PER2: variants seen among roughly 807,000 people sequenced by gnomAD.
PER2 encodes period circadian protein homolog 2.
A neutral mutation model predicts 121.0 loss-of-function variants in PER2; 66 were observed. That is an observed-to-expected ratio of 0.55 (90% confidence interval 0.45 to 0.67). The LOEUF (loss-of-function observed/expected upper bound fraction) is 0.67. Among genes scored for constraint, PER2 ranks in the 30% least tolerant of loss-of-function variants. The pLI, the probability that PER2 is intolerant of heterozygous loss-of-function variation, is 0.00. For missense variants in PER2, 1,521 were observed against 1,635.0 expected (o/e 0.93, Z 1.20); for synonymous variants, 684 against 659.9 (o/e 1.04, Z -0.56).
At chr2:238,270,331 G>A (rs1470613242) in intron 6 of PER2, among the ~76,000 whole-genome samples, 1 of 152,046 alleles carries the variant, frequency 6.6e-6, no homozygotes, top group Non-Finnish European at 1.5e-5. Flanking sequence ...AATCAATTGG[G>A]CAACCTCATC....
Position 238,277,789 on chromosome 2 carries a change from C to A in PER2, c.148G>T (p.Gly50Trp), listed in dbSNP as rs767237102. The change falls in exon 2 of 23, where the codon GGG (glycine) becomes TGG (tryptophan). Residue 50 changes from glycine to tryptophan, a missense_variant. Physicochemically the swap from Gly to Trp is radical, Grantham distance 184 (BLOSUM62 -2). Transcript: ENST00000254657. The part of the protein sequence containing the change: ...GHETNENCST[G>W]RDSQGSDCDD... ...CAGTCACTGCCCTGCGAGTCCCGCC[C>A]CGTGGAGCAGTTTTCGTTGGTCTCA... 1 of 1,614,086 alleles carries A rather than the reference C, an allele frequency of 6.2e-7. No homozygotes were observed. Among genetic ancestry groups the A allele is most frequent in the South Asian group, 1.1e-5 (1 of 91,088 alleles).
Position 238,255,096 on chromosome 2 carries a change from T to C in PER2, c.2320+561A>G, listed in dbSNP as rs193047401. 3.1e-4 allele frequency: 50 copies of C among 163,586 alleles called. No individual in the cohort carries two copies. The East Asian group carries it at 8.4e-3, about 28-fold the overall frequency. The allele number at this position is 163,586 out of a possible 1,614,324, so 10.1% of individuals were successfully genotyped here. ...AAGGGGTGAAGAAGCTCATCTATTT[T>C]ACTTCATCCCTTGACCTTCAACCCC... On this transcript the variant is annotated intron_variant, in intron 18 of 22. Transcript: ENST00000254657.
the PER2 span, chr2:238,299,862 A>C: frequency 6.6e-6 from 1 of 152,274 alleles, no homozygotes; most frequent in Admixed American, 6.5e-5. Flanking sequence ...CTGCTCCTTG[A>C]TGCCAACATC....
At chr2:238,246,547 A>G in intron 22 of PER2, 23 bp from the exon 23 acceptor site, 3 of 1,515,368 alleles carry the variant, frequency 2.0e-6, no homozygotes, top group Non-Finnish European at 2.7e-6. Flanking sequence ...AAAAAGAGAA[A>G]TCAGTAACAA....
chr2:238,277,757 G>A lies in PER2; in HGVS notation c.180C>T (p.Asp60=), dbSNP rs1374191259. The A allele has an allele frequency of 6.2e-7, 1 of 1,614,198 alleles. No homozygotes were observed. Among genetic ancestry groups the A allele is most frequent in the African/African-American group, 1.3e-5 (1 of 75,068 alleles). Residue 60 remains aspartate, a synonymous_variant, in exon 2 of 23, where the codon GAC becomes GAT. Transcript: ENST00000254657. ...GRDSQGSDCD[D]SGKELGMLVE... ...CCAGCATCCCCAGCTCCTTCCCACT[G>A]TCGTCACAGTCACTGCCCTGCGAGT...
chr2:238,297,782 G>A, the PER2 span, among the ~76,000 whole-genome samples: 1 of 152,324 alleles, frequency 6.6e-6, no homozygotes, highest in East Asian at 1.9e-4. Context: ...TCAGTGGGAG[G>A]CAGGAGAGAG....
upstream of PER2, among the ~76,000 whole-genome samples, chr2:238,291,091 G>A (rs1026188886): frequency 2.0e-5 from 3 of 152,248 alleles, no homozygotes; most frequent in Admixed American, 2.0e-4. Flanking sequence ...TCTTGGATAG[G>A]GGAATTGCTG....
intron 5 of PER2, among the ~76,000 whole-genome samples, chr2:238,272,811 G>A (rs1454762305): frequency 6.6e-6 from 1 of 152,228 alleles, no homozygotes; most frequent in Non-Finnish European, 1.5e-5. Flanking sequence ...AGTCACACTG[G>A]GTTTGCCCTT....
chr2:238,249,771 G>A (rs974398788), intron 21 of PER2, among the ~76,000 whole-genome samples: 5 of 152,212 alleles, frequency 3.3e-5, no homozygotes, highest in African/African-American at 1.2e-4. Flanking sequence ...GTTGTAACGC[G>A]ATCTGATGGG....
chr2:238,266,324 G>A (rs908198818), intron 8 of PER2, among the ~76,000 whole-genome samples: 20 of 148,824 alleles, frequency 1.3e-4, no homozygotes, highest in African/African-American at 3.0e-4. Context: ...GTCTCACTAT[G>A]TTGCCCAGGA....
intron 22 of PER2, 61 bp downstream of exon 22, chr2:238,249,001 A>G (rs1049823606): frequency 2.1e-5 from 32 of 1,544,182 alleles, no homozygotes; most frequent in Non-Finnish European, 2.9e-5. Context: ...AAGACAGTAC[A>G]GAGAATCCCC....
rs1696180626 is a variant in PER2, at chr2:238,268,471, C to T, written c.825-273G>A. Among the ~76,000 whole-genome samples the T allele has an allele frequency of 6.6e-6, 1 of 152,208 alleles. No individual in the cohort carries two copies. The highest frequency in any genetic ancestry group is 2.4e-5 in the African/African-American group (1 of 41,452). On this transcript the variant is annotated intron_variant, in intron 7 of 22. Coordinates refer to ENST00000254657, the MANE Select transcript of PER2 (RefSeq NM_022817.3). This position sits in a 1 kb window ranked among gnomAD's most constrained non-coding sequence, Gnocchi z 4.0. ...GCAGACAGAAAAGGGGTGCTGCTCC[C>T]GCCAGGGGTCCTCGGCCCTGACTCC...
rs141151396 is a variant in PER2 at position 238,272,047 on chromosome 2, C to T, written c.571-534G>A. Among the ~76,000 whole-genome samples, 302 of 152,332 alleles carry T rather than the reference C, an allele frequency of 2.0e-3. 2 individuals are homozygous for T. Among genetic ancestry groups the T allele is most frequent in the African/African-American group, 6.7e-3 (280 of 41,572 alleles). ...AAGAGAAAGCGCTCCTGACCAAAAT[C>T]GGCCAGGAGTACCTCTCAGGTTTTA... On this transcript the variant is annotated intron_variant, in intron 5 of 22. Transcript: ENST00000254657.
At chr2:238,249,335 A>G in intron 21 of PER2, 123 bp from the exon 22 acceptor site, 1 of 1,014,194 alleles carries the variant, frequency 9.9e-7, no homozygotes, top group South Asian at 1.5e-5. Context: ...TCTTTAAAAA[A>G]ATTTTCATTT....
chr2:238,271,392 AG>A lies in PER2; in HGVS notation c.691del (p.Leu231TrpfsTer61). 2 of 1,614,206 alleles carry A rather than the reference AG, an allele frequency of 1.2e-6. No homozygotes were observed. The highest frequency in any genetic ancestry group is 1.7e-6 in the Non-Finnish European group (2 of 1,179,990). ...GAACACGCCCACATCGTGAGGCGCC[AG>A]GAACTCCACAAACTTGGCATCGCTG... ...AFSDAKFVEF[L>X]APHDVGVFHS... is the part of the protein sequence containing the mutation. On this transcript the variant is annotated frameshift_variant, in exon 6 of 23. Coordinates refer to ENST00000254657, the MANE Select transcript of PER2 (RefSeq NM_022817.3). LOFTEE classifies it high-confidence loss of function.
At position 238,284,095 on chromosome 2, in the gene PER2, C is replaced by A. The variant is rs189337836; in HGVS notation, c.-20+4254G>T. ...TTGTTAGAAGGATTAAATGACACAA[C>A]CCATGCAAGATATCTGGAATGTAAT... On this transcript the variant is annotated intron_variant, in intron 1 of 22. Coordinates refer to ENST00000254657, the MANE Select transcript of PER2 (RefSeq NM_022817.3). Among the ~76,000 whole-genome samples, 32 of 152,248 alleles carry A rather than the reference C, an allele frequency of 2.1e-4. No individual in the cohort carries two copies. The South Asian group carries it at 3.9e-3, about 19-fold the overall frequency.
At position 238,244,582 on chromosome 2, in the gene PER2, G is replaced by C. The variant is rs953346938; in HGVS notation, c.*1793C>G. The C allele has an allele frequency of 1.3e-5, 2 of 152,190 alleles. No homozygotes were observed. The highest frequency in any genetic ancestry group is 1.3e-4 in the Admixed American group (2 of 15,282). The allele number at this position is 152,190 out of a possible 1,614,324, so 9.4% of individuals were successfully genotyped here. A position where few individuals can be genotyped will look rare whatever the true frequency, so the allele number is the denominator to read the frequency against. ...AACATCTAATGGCCATAAGAATGCA[G>C]ACTGCTACCTTATCATAGGCATAGG... On this transcript the variant is annotated 3_prime_UTR_variant, in exon 23 of 23. Transcript: ENST00000254657.
In PER2 at chr2:238,274,059, A is replaced by G. The variant is rs555047514; in HGVS notation, c.449-868T>C. 2.0e-4 allele frequency among the ~76,000 whole-genome samples: 31 copies of G among 152,374 alleles called. 1 individual carries two copies. Among genetic ancestry groups the G allele is most frequent in the African/African-American group, 7.0e-4 (29 of 41,580 alleles). On this transcript the variant is annotated intron_variant, in intron 4 of 22. Transcript: ENST00000254657. The stretch of plus-strand genomic sequence containing the variant: ...ATCTGACTCCCTGGGTGATGCCATC[A>G]GACACCCCCATCCAGGCAGAACTGA...
Position 238,277,713 on chromosome 2 carries a change from C to A in PER2, c.224G>T (p.Arg75Leu), listed in dbSNP as rs755588451. 1.2e-6 allele frequency: 2 copies of A among 1,613,946 alleles called. No homozygotes were observed. Among genetic ancestry groups the A allele is most frequent in the African/African-American group, 1.3e-5 (1 of 74,942 alleles). The stretch of plus-strand genomic sequence containing the variant: ...GGCCAGAGGCTGAACTCACCTCTGG[C>A]GGGCATCCGGTGGCTCCACCAGCAT... ...LGMLVEPPDARQSPDTFSLMM... is the reference protein window; with the variant it reads ...LGMLVEPPDALQSPDTFSLMM... The change falls in exon 2 of 23, where the codon CGC (arginine) becomes CTC (leucine). Residue 75 changes from arginine (R) to leucine (L), a missense_variant. Coordinates refer to ENST00000254657, the MANE Select transcript of PER2 (RefSeq NM_022817.3).
Sources: allele counts gnomAD v4.1 joint callset (sites outside exome capture counted in the v4.1 genomes callset), GRCh38; gene constraint gnomAD v4.1.1; non-coding constraint Gnocchi (gnomAD v3.1); transcripts MANE v1.5; gene names NCBI Gene and HGNC (gene_info 2026-07-23, HGNC 2026-07-21).